The following MAPKAPK5 variants were observed in gnomAD, a reference collection of about 807,000 sequenced individuals.
MAPKAPK5 encodes MAP kinase-activated protein kinase 5.
A neutral mutation model predicts 65.1 loss-of-function variants in MAPKAPK5; 30 were observed. The observed-to-expected ratio is 0.46, with a 90% CI of 0.34 to 0.63. The LOEUF is 0.63. Ranked by LOEUF, MAPKAPK5 falls within the 20% of genes least tolerant of loss-of-function variation. The pLI is 0.01. For synonymous variants in MAPKAPK5, 179 were observed against 204.6 expected (o/e 0.87, Z 1.07); for missense variants, 433 against 581.4 (o/e 0.74, Z 2.63).
chr12:111,892,989 A>G lies in MAPKAPK5; in HGVS notation c.1344A>G (p.Val448=). 6.3e-7 allele frequency: 1 copy of G among 1,578,462 alleles called. No individual in the cohort carries two copies. Among genetic ancestry groups the G allele is most frequent in the South Asian group, 1.2e-5 (1 of 85,590 alleles). ...SWNGRGFTDK[V]DRLKLAEIVK... ...CAGGTCGTGGATTCACAGATAAAGT[A>G]GATCGACTAAAACTGGCAGAAATTG... Residue 448 remains valine (V), a synonymous_variant, in exon 14 of 14, where the codon GTA becomes GTG. Coordinates refer to ENST00000550735, the MANE Select transcript of MAPKAPK5 (RefSeq NM_003668.4).
chr12:111,853,166 C>G (rs1016935612), intron 1 of MAPKAPK5, among the ~76,000 whole-genome samples: 2 of 151,772 alleles, frequency 1.3e-5, no homozygotes, highest in African/African-American at 4.8e-5. Context: ...GGGATCGAGT[C>G]CATCCTGGCT....
At chr12:111,855,853 C>CTTTTTTTTTTTTTTTTTTTTT (rs144921229) in intron 1 of MAPKAPK5, among the ~76,000 whole-genome samples, 2 of 135,746 alleles carry the variant, frequency 1.5e-5, no homozygotes, top group Non-Finnish European at 3.2e-5. Flanking sequence ...TGTTTAATTT[C>CTTTTTTTTTTTTTTTTTTTTT]TTTTTTTTTT....
chr12:111,883,656 C>T lies in MAPKAPK5; in HGVS notation c.736C>T (p.His246Tyr). ...ATACCCTCCTTTTTACTCCAAACAC[C>T]ACAGCCGGACTATCCCAAAGGATAT... The part of the protein sequence containing the change: ...CGYPPFYSKH[H>Y]SRTIPKDMRR... Residue 246 changes from histidine (H) to tyrosine (Y), a missense_variant, in exon 9 of 14, where the codon CAC (histidine) becomes TAC (tyrosine). By Grantham distance (83) the His-to-Tyr change is moderately conservative. This residue lies in a region of MAPKAPK5 where 99 missense variants were observed against 185.8 expected (regional missense o/e 0.53). Transcript: ENST00000550735. The surrounding 1 kb of genome is among the most constrained non-coding windows in gnomAD (Gnocchi z 4.8). 3 of 1,613,932 alleles carry T rather than the reference C, an allele frequency of 1.9e-6. No homozygotes were observed. In the East Asian group the frequency reaches 6.7e-5, roughly 36 times the overall value.
At chr12:111,845,569 T>TG (rs2068880452) in intron 1 of MAPKAPK5, among the ~76,000 whole-genome samples, 1 of 152,174 alleles carries the variant, frequency 6.6e-6, no homozygotes, top group South Asian at 2.1e-4. Context: ...TAGGGTTTTT[T>TG]GTTGGTTTGT....
At chr12:111,843,377 G>A in intron 1 of MAPKAPK5, 3 of 397,906 alleles carry the variant, frequency 7.5e-6, no homozygotes, top group Non-Finnish European at 1.3e-5. Context: ...CAAAAGAAAA[G>A]CAAATGTGTG....
intron 13 of MAPKAPK5, among the ~76,000 whole-genome samples, chr12:111,890,360 A>G (rs926493961): frequency 1.3e-5 from 2 of 152,166 alleles, no homozygotes; most frequent in African/African-American, 2.4e-5. Flanking sequence ...CCGGAGTTCA[A>G]GTGAATTGTG....
chr12:111,877,799 G>A (rs1335018966), intron 7 of MAPKAPK5, among the ~76,000 whole-genome samples: 1 of 152,048 alleles, frequency 6.6e-6, no homozygotes, highest in Non-Finnish European at 1.5e-5. Flanking sequence ...TCCCACCTCA[G>A]CCTCCTTAGG....
chr12:111,870,261 C>CT lies in MAPKAPK5; in HGVS notation c.394-4dup, dbSNP rs767738565. On this transcript the variant is annotated splice_polypyrimidine_tract_variant and intron_variant, in intron 5 of 13. Coordinates refer to ENST00000550735, the MANE Select transcript of MAPKAPK5 (RefSeq NM_003668.4). ...CTAAGAAGCGACTGTTTCATTGTGT[C>CT]TTTTTTCAGATAGCTTTGGCTCTGC... 37 of 1,585,312 alleles carry CT rather than the reference C, an allele frequency of 2.3e-5. No individual in the cohort carries two copies. Among genetic ancestry groups the CT allele is most frequent in the Non-Finnish European group, 3.2e-5 (37 of 1,157,216 alleles).
At chr12:111,853,283 A>G (rs1187798510) in intron 1 of MAPKAPK5, among the ~76,000 whole-genome samples, 1 of 151,904 alleles carries the variant, frequency 6.6e-6, no homozygotes, top group Non-Finnish European at 1.5e-5. Flanking sequence ...GAGGCAGAAG[A>G]ATGGCGCGAA....
chr12:111,856,401 TTTTC>T (rs1325836787), intron 1 of MAPKAPK5, among the ~76,000 whole-genome samples: 1 of 148,422 alleles, frequency 6.7e-6, no homozygotes, highest in Non-Finnish European at 1.5e-5. Context: ...TCTTCTTTTT[TTTTC>T]TTTCTTTTTT....
At chr12:111,859,200 T>C (rs1322146761) in intron 1 of MAPKAPK5, among the ~76,000 whole-genome samples, 1 of 148,462 alleles carries the variant, frequency 6.7e-6, no homozygotes. Context: ...CTGTGGCTTG[T>C]TATATTTACA....
Position 111,901,775 on chromosome 12 carries a change from G to A in MAPKAPK5, c.*8714G>A, listed in dbSNP as rs1031833808. On this transcript the variant is annotated 3_prime_UTR_variant, in exon 14 of 14. Coordinates refer to ENST00000550735, the MANE Select transcript of MAPKAPK5 (RefSeq NM_003668.4). ...GTACTGAGTGGGAATGAGATGTTTG[G>A]TGAAGTAGAAATAGATAGCTTTAGT... 3 of 182,696 alleles carry A rather than the reference G, an allele frequency of 1.6e-5. No homozygotes were observed. Among genetic ancestry groups the A allele is most frequent in the African/African-American group, 7.2e-5 (3 of 41,638 alleles). 11.3% of individuals were successfully genotyped at this position (182,696 alleles called of 1,614,324 possible). A position where few individuals can be genotyped will look rare whatever the true frequency, so the allele number is the denominator to read the frequency against.
chr12:111,859,928 CG>C (rs1471650213), intron 1 of MAPKAPK5, among the ~76,000 whole-genome samples: 2 of 152,116 alleles, frequency 1.3e-5, no homozygotes, highest in African/African-American at 2.4e-5. Context: ...GGATTACAGG[CG>C]TGAGCCACCG....
At chr12:111,890,204 A>G in intron 13 of MAPKAPK5, 60 bp downstream of exon 13, 1 of 1,259,322 alleles carries the variant, frequency 7.9e-7, no homozygotes, top group South Asian at 1.3e-5. Flanking sequence ...TGTTTAGAAC[A>G]TATAGGATCT....
chr12:111,874,584 G>A (rs1397982462), intron 7 of MAPKAPK5, among the ~76,000 whole-genome samples: 1 of 132,512 alleles, frequency 7.5e-6, no homozygotes, highest in Non-Finnish European at 1.6e-5. Context: ...CAATTCTCCT[G>A]TCTCAGCCTC....
In MAPKAPK5 at chr12:111,883,714, TCCCAGAGGAA is replaced by T. The variant is rs779429818; in HGVS notation, c.795_804del (p.Phe265LeufsTer14). 6.2e-7 allele frequency: 1 copy of T among 1,613,906 alleles called. No individual in the cohort carries two copies. Among genetic ancestry groups the T allele is most frequent in the Non-Finnish European group, 8.5e-7 (1 of 1,179,872 alleles). On this transcript the variant is annotated frameshift_variant, in exon 9 of 14. Coordinates refer to ENST00000550735, the MANE Select transcript of MAPKAPK5 (RefSeq NM_003668.4). LOFTEE classifies it high-confidence loss of function. The surrounding 1 kb of genome is among the most constrained non-coding windows in gnomAD (Gnocchi z 4.8). ...AAGATCATGACAGGCAGTTTTGAGT[TCCCAGAGGAA>T]GAGTGGAGTCAGATCTCAGAGATGG...
At chr12:111,889,121 C>G in intron 12 of MAPKAPK5, 121 bp downstream of exon 12, 1 of 1,136,460 alleles carries the variant, frequency 8.8e-7, no homozygotes, top group Non-Finnish European at 1.2e-6. Flanking sequence ...TCTGTTTCAT[C>G]TTGTGTTATA....
chr12:111,901,428 A>G lies in MAPKAPK5; in HGVS notation c.*8367A>G, dbSNP rs1388010671. On this transcript the variant is annotated 3_prime_UTR_variant, in exon 14 of 14. Transcript: ENST00000550735. ...TTCAGGAGAAGGTGAAAATCACAAT[A>G]TGACTCATTCCAGACGTGAAGAACA... 1 of 456,062 alleles carries G rather than the reference A, an allele frequency of 2.2e-6. No individual in the cohort carries two copies. The highest frequency in any genetic ancestry group is 6.9e-5 in the East Asian group (1 of 14,406). 28.3% of individuals were successfully genotyped at this position (456,062 alleles called of 1,614,324 possible).
intron 1 of MAPKAPK5, among the ~76,000 whole-genome samples, chr12:111,860,770 GTTCT>G (rs1038769280): frequency 1.3e-5 from 2 of 152,084 alleles, no homozygotes; most frequent in Admixed American, 6.5e-5. Context: ...TATTGAAATA[GTTCT>G]TTCTGACAAT....
Sources: allele counts gnomAD v4.1 joint callset (sites outside exome capture counted in the v4.1 genomes callset), GRCh38; gene constraint gnomAD v4.1.1; regional missense constraint gnomAD v4.1.1; non-coding constraint Gnocchi (gnomAD v3.1); transcripts MANE v1.5; gene names NCBI Gene and HGNC (gene_info 2026-07-23, HGNC 2026-07-21).